METAP1D: variants seen among roughly 807,000 people sequenced by gnomAD.
The protein encoded by METAP1D is methionyl aminopeptidase type 1D, mitochondrial, also known as methionine aminopeptidase 1D, mitochondrial.
Under a neutral mutation model 40.5 loss-of-function variants are expected in METAP1D, and 31 were observed. That is an observed-to-expected ratio of 0.77 (90% CI 0.58 to 1.03). METAP1D has a LOEUF of 1.03. Among genes scored for constraint, METAP1D ranks in the 50% least tolerant of loss-of-function variants. The pLI is 0.00. For missense variants in METAP1D, 411 were observed against 420.7 expected (o/e 0.98, Z 0.20); for synonymous variants, 151 against 146.4 (o/e 1.03, Z -0.22).
chr2:172,042,253 GTACACATA>G (rs1256833405), intron 1 of METAP1D, among the ~76,000 whole-genome samples: 3 of 11,126 alleles, frequency 2.7e-4, no homozygotes, highest in Non-Finnish European at 1.2e-3. Flanking sequence ...GTGTACATGT[GTACACATA>G]TACATATATA....
rs141423509 is a variant in METAP1D, at chr2:172,042,871, A to G, written c.41-18627A>G. On this transcript the variant is annotated intron_variant, in intron 1 of 9. Coordinates refer to ENST00000315796, the MANE Select transcript of METAP1D (RefSeq NM_199227.3). ...TGTGTATATATGTACATATATGTGT[A>G]TGTGTGTAAATATGTACATATATGT... 3.2e-3 allele frequency among the ~76,000 whole-genome samples: 374 copies of G among 117,778 alleles called. 172 individuals are homozygous for G. Among genetic ancestry groups the G allele is most frequent in the Non-Finnish European group, 5.2e-3 (259 of 50,244 alleles). 77.3% of individuals were successfully genotyped at this position (117,778 alleles called of 152,430 possible).
chr2:172,006,226 C>CA, intron 1 of METAP1D, among the ~76,000 whole-genome samples: 1 of 151,156 alleles, frequency 6.6e-6, no homozygotes, highest in East Asian at 2.0e-4. Flanking sequence ...CTCTGTCACC[C>CA]AGGCTGGAGT....
intron 1 of METAP1D, among the ~76,000 whole-genome samples, chr2:172,025,751 G>C (rs1689107951): frequency 1.3e-5 from 2 of 152,050 alleles, no homozygotes; most frequent in Non-Finnish European, 2.9e-5. Context: ...TCGTTGCCCA[G>C]GCTGGAGTGC....
chr2:172,034,300 T>A (rs12988345), intron 1 of METAP1D, among the ~76,000 whole-genome samples: 5 of 151,902 alleles, frequency 3.3e-5, no homozygotes, highest in Non-Finnish European at 7.4e-5. Flanking sequence ...TTTTGAAATT[T>A]TCTATAATAA....
rs1690678384 is a variant in METAP1D at position 172,080,462 on chromosome 2, T to G, written c.*56T>G. The G allele has an allele frequency of 7.0e-6, 11 of 1,575,290 alleles. No homozygotes were observed. The highest frequency in any genetic ancestry group is 7.9e-6 in the Non-Finnish European group (9 of 1,145,940). On this transcript the variant is annotated 3_prime_UTR_variant, in exon 10 of 10. Coordinates refer to ENST00000315796, the MANE Select transcript of METAP1D (RefSeq NM_199227.3). ...GCCTTTTTAAATAAATTGCTGAAAT[T>G]TGGCTGGAGAACTTTTAGAAGAAAC...
At chr2:172,024,257 T>A (rs1260001617) in intron 1 of METAP1D, among the ~76,000 whole-genome samples, 2 of 152,178 alleles carry the variant, frequency 1.3e-5, no homozygotes, top group African/African-American at 4.8e-5. Context: ...TTTGCTCATT[T>A]AAGGATCTGT....
At chr2:172,006,434 T>A (rs1688586499) in intron 1 of METAP1D, among the ~76,000 whole-genome samples, 1 of 152,028 alleles carries the variant, frequency 6.6e-6, no homozygotes, top group South Asian at 2.1e-4. Context: ...CTGCCTGCCT[T>A]GGCCTCCCAA....
intron 5 of METAP1D, among the ~76,000 whole-genome samples, chr2:172,068,373 G>A (rs1690339500): frequency 6.6e-6 from 1 of 152,066 alleles, no homozygotes; most frequent in Non-Finnish European, 1.5e-5. Flanking sequence ...CAGCCTGGGT[G>A]ACAGAGCGAG....
intron 1 of METAP1D, among the ~76,000 whole-genome samples, chr2:172,013,669 G>C (rs912584707): frequency 6.6e-6 from 1 of 152,104 alleles, no homozygotes; most frequent in African/African-American, 2.4e-5. Context: ...ATTTGCGTGT[G>C]AAAGAGGCCA....
intron 1 of METAP1D, among the ~76,000 whole-genome samples, chr2:172,025,852 C>T (rs1689109744): frequency 6.6e-6 from 1 of 152,144 alleles, no homozygotes. Flanking sequence ...CTTTGACATT[C>T]ACCCTTTCCT....
chr2:172,024,983 T>G (rs950102483), intron 1 of METAP1D, among the ~76,000 whole-genome samples: 10 of 152,172 alleles, frequency 6.6e-5, no homozygotes, highest in Admixed American at 5.9e-4. Context: ...CTCTGGCCAG[T>G]TAATTTATCT....
At chr2:172,025,242 T>C (rs1458697747) in intron 1 of METAP1D, among the ~76,000 whole-genome samples, 1 of 152,232 alleles carries the variant, frequency 6.6e-6, no homozygotes. Context: ...ATGCAATTAT[T>C]GGACCACAGG....
chr2:172,062,989 G>A (rs1690171891), intron 2 of METAP1D, among the ~76,000 whole-genome samples: 6 of 152,212 alleles, frequency 3.9e-5, no homozygotes, highest in Admixed American at 3.9e-4. Context: ...ACTGAAAGAA[G>A]CTTTGTGTGT....
At position 172,079,106 on chromosome 2, in the gene METAP1D, G is replaced by T. The variant is rs532343798; in HGVS notation, c.803-109G>T. 4.5e-6 allele frequency: 5 copies of T among 1,101,250 alleles called. No individual in the cohort carries two copies. The East Asian group carries it at 1.2e-4, about 26-fold the overall frequency. The allele number at this position is 1,101,250 out of a possible 1,614,324, so 68.2% of individuals were successfully genotyped here. A position where few individuals can be genotyped will look rare whatever the true frequency, so the allele number is the denominator to read the frequency against. On this transcript the variant is annotated intron_variant, in intron 7 of 9. Coordinates refer to ENST00000315796, the MANE Select transcript of METAP1D (RefSeq NM_199227.3). Reference sequence around the variant, plus strand: ...CTCCACCCTTCCTTCTCTAAAAGAAGAGAAATAAAACGACCAAGTTTTTTA... The same window carrying T: ...CTCCACCCTTCCTTCTCTAAAAGAATAGAAATAAAACGACCAAGTTTTTTA...
chr2:172,065,641 A>G lies in METAP1D; in HGVS notation c.386A>G (p.His129Arg), dbSNP rs773538669. Residue 129 changes from histidine to arginine, a missense_variant, in exon 4 of 10, where the codon CAT becomes CGT. Transcript: ENST00000315796. ...ACTGAAGAGATAGATGCTCTTGTTC[A>G]TCGGGAAATCATCAGTCATAATGCC... Reference protein sequence around the residue: ...MTTEEIDALVHREIISHNAYP... With the variant: ...MTTEEIDALVRREIISHNAYP... 1.2e-6 allele frequency: 2 copies of G among 1,613,862 alleles called. No homozygotes were observed. Among genetic ancestry groups the G allele is most frequent in the Non-Finnish European group, 1.7e-6 (2 of 1,179,916 alleles).
chr2:172,061,270 T>G (rs1690134946), intron 1 of METAP1D, among the ~76,000 whole-genome samples: 1 of 152,224 alleles, frequency 6.6e-6, no homozygotes, highest in African/African-American at 2.4e-5. Context: ...GAGTAGAGTT[T>G]TCCATTGTCA....
chr2:172,079,652 A>G (rs1690651580), intron 8 of METAP1D, among the ~76,000 whole-genome samples: 2 of 152,184 alleles, frequency 1.3e-5, no homozygotes, highest in Non-Finnish European at 2.9e-5. Context: ...ACCAAATTCC[A>G]GTCACCTAGG....
intron 1 of METAP1D, among the ~76,000 whole-genome samples, chr2:172,041,458 CA>C (rs782636305): frequency 0.62 from 58,468 of 94,846 alleles, 20,198 homozygotes; most frequent in Middle Eastern, 0.68. Context: ...GACTCTGTAT[CA>C]AAAAAAAAAA....
At chr2:172,023,048 C>T (rs1007666729) in intron 1 of METAP1D, among the ~76,000 whole-genome samples, 9 of 152,068 alleles carry the variant, frequency 5.9e-5, no homozygotes, top group Non-Finnish European at 1.3e-4. Flanking sequence ...ATTAGCTGGG[C>T]GTGGTGGCAC....
Sources: gnomAD v4.1 joint callset for allele counts (sites outside exome capture counted in the v4.1 genomes callset) on GRCh38, gnomAD v4.1.1 for gene constraint, MANE v1.5 for transcripts, NCBI Gene and HGNC (gene_info 2026-07-23, HGNC 2026-07-21) for gene names.